The following HECTD4 variants were observed in gnomAD, a reference collection of about 807,000 sequenced individuals.
HECTD4 encodes the protein HECT domain E3 ubiquitin protein ligase 4.
HECTD4 carries 114 observed loss-of-function variants against 471.5 expected under a neutral mutation model. The ratio of observed to expected loss-of-function variants is 0.24; its 90% CI spans 0.21 to 0.28. The LOEUF (loss-of-function observed/expected upper bound fraction) is 0.28. HECTD4 is among the 10% of genes least tolerant of loss of function. The pLI is 1.00. For synonymous variants in HECTD4, 2,012 were observed against 2,256.0 expected (o/e 0.89, Z 3.07); for missense variants, 3,866 against 5,651.5 (o/e 0.68, Z 10.13).
intron 1 of HECTD4, among the ~76,000 whole-genome samples, chr12:112,368,459 C>T (rs778542148): frequency 2.0e-5 from 3 of 152,140 alleles, no homozygotes; most frequent in Non-Finnish European, 2.9e-5. Flanking sequence ...AAAATTATTT[C>T]GCTTCCTATA....
intron 1 of HECTD4, among the ~76,000 whole-genome samples, chr12:112,354,508 G>C (rs752314371): frequency 6.6e-6 from 1 of 152,130 alleles, no homozygotes; most frequent in Non-Finnish European, 1.5e-5. Flanking sequence ...CAAACATGGT[G>C]AAACCTCGTC....
In HECTD4 at chr12:112,184,720, C is replaced by A. The variant is rs1213923532; in HGVS notation, c.10246G>T (p.Ala3416Ser). Residue 3416 changes from alanine (A) to serine (S), a missense_variant, in exon 61 of 76, where the codon GCC becomes TCC. Coordinates refer to ENST00000682272, the MANE Select transcript of HECTD4 (RefSeq NM_001388303.1). This position sits in a 1 kb window ranked among gnomAD's most constrained non-coding sequence, Gnocchi z 9.1. Reference sequence around the variant, plus strand: ...TGGGCGTTGCAGGCCTTGCGGATGGCGCCTCTGACTACGCCCTCGTCCAGG... The same window carrying A: ...TGGGCGTTGCAGGCCTTGCGGATGGAGCCTCTGACTACGCCCTCGTCCAGG... ...THLDEGVVRG[A>S]IRKACNAHGG... The A allele has an allele frequency of 6.2e-7, 1 of 1,612,752 alleles. No homozygotes were observed. The highest frequency in any genetic ancestry group is 1.1e-5 in the South Asian group (1 of 90,960).
rs147328353 is a variant in HECTD4, at chr12:112,172,640, C to G, written c.11785+31G>C. 4.4e-4 allele frequency: 709 copies of G among 1,603,852 alleles called. 5 individuals carry two copies. In the East Asian group the frequency reaches 8.9e-3, roughly 20 times the overall value. ...CATGGGGCATGCCCGCATCAGGCAG[C>G]AGGGGAGGGGATAGGCCCAGGGCCA... On this transcript the variant is annotated intron_variant, in intron 67 of 75. Transcript: ENST00000682272.
rs1487171117 is a variant in HECTD4 at position 112,273,760 on chromosome 12, T to C, written c.1837A>G (p.Thr613Ala). The change falls in exon 11 of 76, where the codon ACA (threonine) becomes GCA (alanine). Residue 613 changes from threonine to alanine, a missense_variant. Coordinates refer to ENST00000682272, the MANE Select transcript of HECTD4 (RefSeq NM_001388303.1). ...CYDTVNNMLW[T>A]CSNDYIDQWC... Reference sequence around the variant, plus strand: ...TGATCGATATAGTCATTTGAGCATGTCCATAGCATGTTGTTCACTGTGTCA... The same window carrying C: ...TGATCGATATAGTCATTTGAGCATGCCCATAGCATGTTGTTCACTGTGTCA... 2 of 1,613,990 alleles carry C rather than the reference T, an allele frequency of 1.2e-6. No individual in the cohort carries two copies. The highest frequency in any genetic ancestry group is 1.1e-5 in the South Asian group (1 of 91,082).
At chr12:112,329,824 G>A (rs1027627997) in intron 1 of HECTD4, among the ~76,000 whole-genome samples, 3 of 152,140 alleles carry the variant, frequency 2.0e-5, no homozygotes, top group African/African-American at 7.2e-5. Flanking sequence ...ATAGAATTTG[G>A]AGGTTGGGTA....
chr12:112,202,416 G>C (rs1248764835), intron 54 of HECTD4, among the ~76,000 whole-genome samples: 1 of 152,026 alleles, frequency 6.6e-6, no homozygotes, highest in Middle Eastern at 3.2e-3. Context: ...ATGTTGGCTA[G>C]GCTAGTCTCA....
intron 55 of HECTD4, among the ~76,000 whole-genome samples, chr12:112,195,743 T>C (rs1010967612): frequency 3.9e-5 from 6 of 152,224 alleles, no homozygotes; most frequent in African/African-American, 1.4e-4. Context: ...AATGGGTGAA[T>C]TGCATGGTAT....
At position 112,195,074 on chromosome 12, in the gene HECTD4, G is replaced by A. The variant is rs886843642; in HGVS notation, c.8568-8C>T. On this transcript the variant is annotated splice_region_variant and splice_polypyrimidine_tract_variant and intron_variant, in intron 55 of 75. Transcript: ENST00000682272. ...TCGCAGCGCAGCAGCTCCCTGCAAG[G>A]GAAAAGGTGGGTGAGATACTCAAAG... 7 of 1,584,314 alleles carry A rather than the reference G, an allele frequency of 4.4e-6. No homozygotes were observed. The highest frequency in any genetic ancestry group is 2.3e-5 in the East Asian group (1 of 43,296).
In HECTD4 at chr12:112,172,876, AGG is replaced by A; in HGVS notation, c.11595-17_11595-16del. ...TGCATGCGCACCTTGGGGTGGGGAC[AGG>A]GGGAGAGGGGCAAAGTGAGGCAGGG... On this transcript the variant is annotated splice_polypyrimidine_tract_variant and intron_variant, in intron 66 of 75. Coordinates refer to ENST00000682272, the MANE Select transcript of HECTD4 (RefSeq NM_001388303.1). 1.9e-6 allele frequency: 3 copies of A among 1,611,014 alleles called. No homozygotes were observed. Among genetic ancestry groups the A allele is most frequent in the Non-Finnish European group, 1.7e-6 (2 of 1,177,466 alleles).
chr12:112,193,877 C>T lies in HECTD4; in HGVS notation c.8750-203G>A, dbSNP rs1312498968. 6.6e-6 allele frequency among the ~76,000 whole-genome samples: 1 copy of T among 152,152 alleles called. No individual in the cohort carries two copies. Among genetic ancestry groups the T allele is most frequent in the Non-Finnish European group, 1.5e-5 (1 of 68,016 alleles). On this transcript the variant is annotated intron_variant, in intron 56 of 75. Coordinates refer to ENST00000682272, the MANE Select transcript of HECTD4 (RefSeq NM_001388303.1). The surrounding 1 kb of genome is among the most constrained non-coding windows in gnomAD (Gnocchi z 5.2). ...GGGGACCCAGGAGATCAATGGGCTTCATACTTTTGCTTTCTTTTCAGCTGT... is the reference window on the plus strand; with the variant it reads ...GGGGACCCAGGAGATCAATGGGCTTTATACTTTTGCTTTCTTTTCAGCTGT...
In HECTD4 at chr12:112,192,565, T is replaced by C. The variant is rs2032114747; in HGVS notation, c.9287A>G (p.Lys3096Arg). 6.4e-7 allele frequency: 1 copy of C among 1,563,366 alleles called. No homozygotes were observed. Among genetic ancestry groups the C allele is most frequent in the Non-Finnish European group, 8.7e-7 (1 of 1,151,524 alleles). Residue 3096 changes from lysine (K) to arginine (R), a missense_variant, in exon 59 of 76, where the codon AAA becomes AGA. Transcript: ENST00000682272. The stretch of plus-strand genomic sequence containing the variant: ...ACAAGCTGCTGGAGACTCACCCAGT[T>C]TGATGTGGACCCTGTCTGTGGAGAG... ...VVLSTDRVHI[K>R]LGVSPPPGAV...
chr12:112,333,023 CAT>C (rs1403754269), intron 1 of HECTD4, among the ~76,000 whole-genome samples: 9 of 152,226 alleles, frequency 5.9e-5, no homozygotes, highest in African/African-American at 1.7e-4. Context: ...CATATTTTAA[CAT>C]GTGTCAATAT....
At chr12:112,327,608 A>C (rs2035770963) in intron 1 of HECTD4, among the ~76,000 whole-genome samples, 1 of 152,218 alleles carries the variant, frequency 6.6e-6, no homozygotes, top group Admixed American at 6.5e-5. Flanking sequence ...TTGTTCATAC[A>C]GAAGAAATGC....
intron 13 of HECTD4, among the ~76,000 whole-genome samples, chr12:112,268,435 A>G (rs1348923162): frequency 6.6e-6 from 1 of 152,190 alleles, no homozygotes; most frequent in Non-Finnish European, 1.5e-5. Flanking sequence ...ATTATACTTA[A>G]TCACTTTAAG....
Position 112,235,229 on chromosome 12 carries a change from A to G in HECTD4, c.5763T>C (p.Pro1921=). The part of the protein sequence containing the change: ...QTVLSPTASE[P]DTTLTKTSPK... Reference sequence around the variant, plus strand: ...GACTGGTTTTTGTCAATGTGGTGTCAGGTTCAGAAGCGGTTGGAGAAAGAA... The same window carrying G: ...GACTGGTTTTTGTCAATGTGGTGTCGGGTTCAGAAGCGGTTGGAGAAAGAA... Residue 1921 remains proline, a synonymous_variant, in exon 37 of 76, where the codon CCT becomes CCC. Coordinates refer to ENST00000682272, the MANE Select transcript of HECTD4 (RefSeq NM_001388303.1). The surrounding 1 kb of genome is among the most constrained non-coding windows in gnomAD (Gnocchi z 5.0). 1.2e-6 allele frequency: 2 copies of G among 1,613,954 alleles called. No homozygotes were observed. Among genetic ancestry groups the G allele is most frequent in the Non-Finnish European group, 1.7e-6 (2 of 1,179,876 alleles).
At position 112,240,932 on chromosome 12, in the gene HECTD4, A is replaced by G. The variant is rs73423229; in HGVS notation, c.4959-905T>C. Among the ~76,000 whole-genome samples, 627 of 152,368 alleles carry G rather than the reference A, an allele frequency of 4.1e-3. 8 individuals carry two copies. Among genetic ancestry groups the G allele is most frequent in the African/African-American group, 0.014 (590 of 41,576 alleles). ...CAATTAATATTAGTTTAGAACTGAA[A>G]CTATCAGGATTTATCTACAAAGACA... On this transcript the variant is annotated intron_variant, in intron 32 of 75. Transcript: ENST00000682272.
At chr12:112,373,654 G>A (rs552671198) in intron 1 of HECTD4, among the ~76,000 whole-genome samples, 11 of 152,260 alleles carry the variant, frequency 7.2e-5, no homozygotes, top group Admixed American at 5.9e-4. Flanking sequence ...ATATGCTGGC[G>A]CTGTTGTCGT....
At chr12:112,282,968 A>G in intron 8 of HECTD4, 142 bp downstream of exon 8, 1 of 569,558 alleles carries the variant, frequency 1.8e-6, no homozygotes, top group Admixed American at 3.4e-5. Flanking sequence ...TTGGAATAAA[A>G]AGCTGGACAA....
intron 1 of HECTD4, among the ~76,000 whole-genome samples, chr12:112,346,294 TCCCCCTATG>T (rs973330785): frequency 2.6e-5 from 4 of 152,100 alleles, no homozygotes; most frequent in African/African-American, 9.7e-5. Context: ...AAAATCATAT[TCCCCCTATG>T]CCTTCTGCCA....
Sources: gnomAD v4.1 joint callset for allele counts (sites outside exome capture counted in the v4.1 genomes callset) on GRCh38, gnomAD v4.1.1 for gene constraint, Gnocchi (gnomAD v3.1) non-coding constraint, MANE v1.5 for transcripts, NCBI Gene and HGNC (gene_info 2026-07-23, HGNC 2026-07-21) for gene names.